PTX3: variants seen among roughly 807,000 people sequenced by gnomAD.
PTX3 encodes the protein pentraxin-related protein PTX3.
Under a neutral mutation model 23.5 loss-of-function variants are expected in PTX3, and 24 were observed. The ratio of observed to expected loss-of-function variants is 1.02; its 90% CI spans 0.74 to 1.43. The LOEUF is 1.43. Ranked by LOEUF, PTX3 falls within the 40% of genes most tolerant of loss-of-function variation. The probability of loss-of-function intolerance (pLI) is 0.00; values close to 1 mark genes in which losing one functional copy is unlikely to be tolerated. For missense variants in PTX3, 510 were observed against 497.5 expected (o/e 1.02, Z -0.24); for synonymous variants, 218 against 205.4 (o/e 1.06, Z -0.53).
At chr3:157,438,028 C>CAA (rs1477114518) in intron 2 of PTX3, 114 bp downstream of exon 2, 135 of 839,530 alleles carry the variant, frequency 1.6e-4, no homozygotes, top group Non-Finnish European at 2.3e-4. Flanking sequence ...GAAGCGCGCG[C>CAA]GCGCGCGCGC....
intron 2 of PTX3, among the ~76,000 whole-genome samples, chr3:157,440,604 A>T (rs954552864): frequency 1.3e-5 from 2 of 152,078 alleles, no homozygotes; most frequent in African/African-American, 2.4e-5. Flanking sequence ...ATATATACAC[A>T]CACATTTATA....
chr3:157,438,815 C>T (rs906642181), intron 2 of PTX3, among the ~76,000 whole-genome samples: 3 of 152,102 alleles, frequency 2.0e-5, no homozygotes, highest in Non-Finnish European at 4.4e-5. Context: ...CCTTTGTATG[C>T]CAAAACTTCT....
chr3:157,437,661 C>A lies in PTX3; in HGVS notation c.279C>A (p.Gly93=). The stretch of plus-strand genomic sequence containing the variant: ...TGCAGAGGCTGCGGGAGGAGCTGGG[C>A]CGGCTCGCGGAAAGCCTGGCGAGGC... ...GELQRLREEL[G]RLAESLARPC... Residue 93 remains glycine (G), a synonymous_variant, in exon 2 of 3, where the codon GGC becomes GGA. Transcript: ENST00000295927. 6.5e-7 allele frequency: 1 copy of A among 1,541,522 alleles called. No individual in the cohort carries two copies. Among genetic ancestry groups the A allele is most frequent in the East Asian group, 2.4e-5 (1 of 40,884 alleles).
At chr3:157,438,301 C>A (rs1733835298) in intron 2 of PTX3, among the ~76,000 whole-genome samples, 1 of 152,084 alleles carries the variant, frequency 6.6e-6, no homozygotes, top group African/African-American at 2.4e-5. Flanking sequence ...CAGCTTCCCT[C>A]CGTTAGGGAT....
chr3:157,443,414 A>G lies in PTX3; in HGVS notation c.*435A>G, dbSNP rs1211918234. 3 of 158,392 alleles carry G rather than the reference A, an allele frequency of 1.9e-5. No homozygotes were observed. Among genetic ancestry groups the G allele is most frequent in the African/African-American group, 7.2e-5 (3 of 41,498 alleles). 9.8% of individuals were successfully genotyped at this position (158,392 alleles called of 1,614,324 possible). A position where few individuals can be genotyped will look rare whatever the true frequency, so the allele number is the denominator to read the frequency against. On this transcript the variant is annotated 3_prime_UTR_variant, in exon 3 of 3. Coordinates refer to ENST00000295927, the MANE Select transcript of PTX3 (RefSeq NM_002852.4). ...TGTACCTTATTACAAAAAAAAGATG[A>G]AAACATATTTATACTACAAGGTGAC...
In PTX3 at chr3:157,437,544, G is replaced by A. The variant is rs1364883781; in HGVS notation, c.162G>A (p.Ser54=). 1.2e-6 allele frequency: 2 copies of A among 1,606,124 alleles called. No homozygotes were observed. The highest frequency in any genetic ancestry group is 1.1e-5 in the South Asian group (1 of 89,486). ...CGTGCGCCTGCGGTCAGGAGCACTCGGAATGGGACAAGCTCTTCATCATGC... is the reference window on the plus strand; with the variant it reads ...CGTGCGCCTGCGGTCAGGAGCACTCAGAATGGGACAAGCTCTTCATCATGC... ...PTPCACGQEH[S]EWDKLFIMLE... is the part of the protein sequence containing the mutation. The change falls in exon 2 of 3, where the codon TCG becomes TCA. Residue 54 remains serine, a synonymous_variant. Transcript: ENST00000295927.
chr3:157,437,850 G>A lies in PTX3; in HGVS notation c.468G>A (p.Leu156=), dbSNP rs1280852859. Residue 156 remains leucine (L), a synonymous_variant, in exon 2 of 3, where the codon CTG becomes CTA. Coordinates refer to ENST00000295927, the MANE Select transcript of PTX3 (RefSeq NM_002852.4). ...CCCTGGCCGCGGTGCTAGAGGAGCTGCGGCAGACGCGAGCCGACCTGCACG... is the reference window on the plus strand; with the variant it reads ...CCCTGGCCGCGGTGCTAGAGGAGCTACGGCAGACGCGAGCCGACCTGCACG... ...GRALAAVLEE[L]RQTRADLHAV... 3.3e-6 allele frequency: 5 copies of A among 1,497,458 alleles called. No homozygotes were observed. Among genetic ancestry groups the A allele is most frequent in the Non-Finnish European group, 4.4e-6 (5 of 1,132,820 alleles). The allele number at this position is 1,497,458 out of a possible 1,614,324, so 92.8% of individuals were successfully genotyped here. A position where few individuals can be genotyped will look rare whatever the true frequency, so the allele number is the denominator to read the frequency against.
intron 2 of PTX3, among the ~76,000 whole-genome samples, chr3:157,439,843 C>T (rs1577663481): frequency 1.3e-5 from 2 of 152,190 alleles, no homozygotes; most frequent in African/African-American, 2.4e-5. Flanking sequence ...CTCCGCCTCC[C>T]GGGTTCACTC....
At position 157,442,868 on chromosome 3, in the gene PTX3, TGAAGAGATAA is replaced by T. The variant is rs1179961441; in HGVS notation, c.1038_1047del (p.Glu347ArgfsTer57). ...ATATCTGGGATAGTGTTCTTAGCAATGAAGAGATAAGAGAGACCGGAGGAGCAGAGTCTTG... is the reference window on the plus strand; with the variant it reads ...ATATCTGGGATAGTGTTCTTAGCAATGAGAGACCGGAGGAGCAGAGTCTTG... On this transcript the variant is annotated frameshift_variant, in exon 3 of 3. Coordinates refer to ENST00000295927, the MANE Select transcript of PTX3 (RefSeq NM_002852.4). LOFTEE classifies it high-confidence loss of function. The T allele has an allele frequency of 1.9e-6, 3 of 1,614,114 alleles. No individual in the cohort carries two copies. The highest frequency in any genetic ancestry group is 2.5e-6 in the Non-Finnish European group (3 of 1,180,014).
chr3:157,443,150 GAA>G lies in PTX3; in HGVS notation c.*173_*174del. The G allele has an allele frequency of 1.3e-6, 1 of 756,426 alleles. No individual in the cohort carries two copies. The allele number at this position is 756,426 out of a possible 1,614,324, so 46.9% of individuals were successfully genotyped here. A position where few individuals can be genotyped will look rare whatever the true frequency, so the allele number is the denominator to read the frequency against. ...CCAAATACTGAATAAACAGTTGAAG[GAA>G]AGACATTGGAAAAAGCTTTTGAGGA... On this transcript the variant is annotated 3_prime_UTR_variant, in exon 3 of 3. Transcript: ENST00000295927.
chr3:157,443,141 C>T lies in PTX3; in HGVS notation c.*162C>T. On this transcript the variant is annotated 3_prime_UTR_variant, in exon 3 of 3. Transcript: ENST00000295927. ...TTGTACTGGCCAAATACTGAATAAACAGTTGAAGGAAAGACATTGGAAAAA... is the reference window on the plus strand; with the variant it reads ...TTGTACTGGCCAAATACTGAATAAATAGTTGAAGGAAAGACATTGGAAAAA... 1 of 803,058 alleles carries T rather than the reference C, an allele frequency of 1.2e-6. No individual in the cohort carries two copies. Among genetic ancestry groups the T allele is most frequent in the Non-Finnish European group, 1.9e-6 (1 of 535,460 alleles). 49.7% of individuals were successfully genotyped at this position (803,058 alleles called of 1,614,324 possible). A position where few individuals can be genotyped will look rare whatever the true frequency, so the allele number is the denominator to read the frequency against.
chr3:157,438,026 C>A, intron 2 of PTX3, 112 bp downstream of exon 2: 1 of 821,802 alleles, frequency 1.2e-6, no homozygotes, highest in Non-Finnish European at 1.8e-6. Context: ...GGGAAGCGCG[C>A]GCGCGCGCGC....
At position 157,442,995 on chromosome 3, in the gene PTX3, A is replaced by C. The variant is rs1734260631; in HGVS notation, c.*16A>C. 1.9e-6 allele frequency: 3 copies of C among 1,572,802 alleles called. No homozygotes were observed. Among genetic ancestry groups the C allele is most frequent in the Middle Eastern group, 1.7e-4 (1 of 5,824 alleles). ...TGTTTCATAAATGTTGTGAAACTCC[A>C]CTTGAAGCCAAAGAAAGAAACTCAC... On this transcript the variant is annotated 3_prime_UTR_variant, in exon 3 of 3. Transcript: ENST00000295927.
chr3:157,437,080 T>C lies in PTX3; in HGVS notation c.130+17T>C. 1.9e-6 allele frequency: 3 copies of C among 1,612,698 alleles called. No homozygotes were observed. The highest frequency in any genetic ancestry group is 2.5e-6 in the Non-Finnish European group (3 of 1,178,824). On this transcript the variant is annotated intron_variant, in intron 1 of 2. Transcript: ENST00000295927. Reference sequence around the variant, plus strand: ...CTGAGGACCGTAAGTTCACTTTAACTGTTTCTCTGCTAACCCTGACTACAT... The same window carrying C: ...CTGAGGACCGTAAGTTCACTTTAACCGTTTCTCTGCTAACCCTGACTACAT...
rs770899550 is a variant in PTX3 at position 157,442,620 on chromosome 3, T to C, written c.787T>C (p.Ser263Pro). The C allele has an allele frequency of 3.1e-6, 5 of 1,614,102 alleles. No individual in the cohort carries two copies. The highest frequency in any genetic ancestry group is 4.2e-6 in the Non-Finnish European group (5 of 1,180,048). The change falls in exon 3 of 3, where the codon TCC becomes CCC. Residue 263 changes from serine (S) to proline (P), a missense_variant. Ser to Pro is a moderately conservative substitution (Grantham distance 74, BLOSUM62 -1). Coordinates refer to ENST00000295927, the MANE Select transcript of PTX3 (RefSeq NM_002852.4). ...CAAACTGGTTGCTGAAGCCATGGTT[T>C]CCCTGGGAAGGTGGACCCACCTGTG... ...ENKLVAEAMV[S>P]LGRWTHLCGT...
At chr3:157,441,546 A>C (rs112734954) in intron 2 of PTX3, among the ~76,000 whole-genome samples, 4,688 of 152,256 alleles carry the variant, frequency 0.031, 276 homozygotes, top group African/African-American at 0.11. Flanking sequence ...GTGGTGGCTC[A>C]TGCCTGTAAT....
chr3:157,441,155 C>T (rs1734088003), intron 2 of PTX3, among the ~76,000 whole-genome samples: 1 of 152,188 alleles, frequency 6.6e-6, no homozygotes, highest in East Asian at 1.9e-4. Context: ...GATTCTAGCC[C>T]TCCTAGAGAA....
intron 2 of PTX3, among the ~76,000 whole-genome samples, 179 bp from the exon 3 acceptor site, chr3:157,442,187 T>C (rs1734177134): frequency 6.6e-6 from 1 of 152,206 alleles, no homozygotes. Context: ...GGCTTTCCTT[T>C]TTCTCATTTT....
At chr3:157,438,073 C>A (rs1049981106) in intron 2 of PTX3, among the ~76,000 whole-genome samples, 159 bp downstream of exon 2, 31 of 136,864 alleles carry the variant, frequency 2.3e-4, no homozygotes, top group African/African-American at 7.6e-4. Context: ...ACACACACAC[C>A]CCTATTTCTG....
Sources: gnomAD v4.1 joint callset for allele counts (sites outside exome capture counted in the v4.1 genomes callset) on GRCh38, gnomAD v4.1.1 for gene constraint, MANE v1.5 for transcripts, NCBI Gene and HGNC (gene_info 2026-07-23, HGNC 2026-07-21) for gene names.